LSAMP: variants seen among roughly 807,000 people sequenced by gnomAD.
LSAMP encodes the protein limbic system-associated membrane protein.
Under a neutral mutation model 38.6 loss-of-function variants are expected in LSAMP, and 7 were observed. The ratio of observed to expected loss-of-function variants is 0.18; its 90% CI spans 0.10 to 0.34. The LOEUF is 0.34. Ranked by LOEUF, LSAMP falls within the 10% of genes least tolerant of loss-of-function variation. The probability of loss-of-function intolerance (pLI) is 1.00; values close to 1 mark genes in which losing one functional copy is unlikely to be tolerated. For synonymous variants in LSAMP, 154 were observed against 166.8 expected (o/e 0.92, Z 0.59); for missense variants, 313 against 420.0 (o/e 0.75, Z 2.23).
intron 1 of LSAMP, among the ~76,000 whole-genome samples, chr3:116,436,521 G>T (rs2049350932): frequency 6.6e-6 from 1 of 152,072 alleles, no homozygotes; most frequent in African/African-American, 2.4e-5. Flanking sequence ...CCATCAAAAA[G>T]TGGGCTAAGG....
At chr3:115,913,990 T>C (rs1384539258) in intron 3 of LSAMP, among the ~76,000 whole-genome samples, 3 of 151,770 alleles carry the variant, frequency 2.0e-5, no homozygotes, top group African/African-American at 7.3e-5. Context: ...TTTAAAAAAA[T>C]AAAAAGATAA....
At chr3:116,171,773 G>A (rs1414108890) in intron 1 of LSAMP, among the ~76,000 whole-genome samples, 2 of 152,050 alleles carry the variant, frequency 1.3e-5, no homozygotes, top group South Asian at 2.1e-4. Flanking sequence ...AGAGATTGGA[G>A]TATAAGGAGC....
At chr3:116,352,219 C>T (rs1180627031) in intron 1 of LSAMP, among the ~76,000 whole-genome samples, 1 of 152,112 alleles carries the variant, frequency 6.6e-6, no homozygotes, top group African/African-American at 2.4e-5. Context: ...CCACACATCA[C>T]TCCACGAATA....
At chr3:116,189,281 G>T (rs1341857594) in intron 1 of LSAMP, among the ~76,000 whole-genome samples, 1 of 152,160 alleles carries the variant, frequency 6.6e-6, no homozygotes, top group Admixed American at 6.5e-5. Flanking sequence ...AAGTGCAATA[G>T]AAATATTTTT....
At chr3:116,316,794 AAGAG>A (rs1189362008) in intron 1 of LSAMP, among the ~76,000 whole-genome samples, 3 of 151,306 alleles carry the variant, frequency 2.0e-5, no homozygotes, top group Admixed American at 6.6e-5. Context: ...AAAAAAAAAA[AAGAG>A]AAAGAAAGAA....
intron 6 of LSAMP, among the ~76,000 whole-genome samples, chr3:115,824,822 A>C (rs994536860): frequency 1.3e-5 from 2 of 152,154 alleles, no homozygotes; most frequent in African/African-American, 4.8e-5. Flanking sequence ...GTGTTTAAAA[A>C]CATAAATTTT....
intron 1 of LSAMP, among the ~76,000 whole-genome samples, chr3:116,164,760 ATT>A (rs1553709491): frequency 4.4e-4 from 40 of 91,602 alleles, no homozygotes; most frequent in African/African-American, 9.0e-4. Context: ...ATATATATAT[ATT>A]TTTTTTTTTT....
intron 3 of LSAMP, among the ~76,000 whole-genome samples, chr3:115,911,003 GAGA>G (rs1241447894): frequency 2.6e-5 from 4 of 152,172 alleles, no homozygotes; most frequent in East Asian, 3.9e-4. Flanking sequence ...ATAAATCCTT[GAGA>G]AGATGATAGC....
At chr3:116,139,126 C>T (rs1244074821) in intron 1 of LSAMP, among the ~76,000 whole-genome samples, 1 of 151,828 alleles carries the variant, frequency 6.6e-6, no homozygotes, top group Non-Finnish European at 1.5e-5. Context: ...GGAATCTGCT[C>T]ATAATTCTGC....
chr3:116,399,468 G>C (rs1393036165), intron 1 of LSAMP, among the ~76,000 whole-genome samples: 1 of 152,142 alleles, frequency 6.6e-6, no homozygotes, highest in East Asian at 1.9e-4. Flanking sequence ...AGTGAAATTG[G>C]CAGGGACACA....
At chr3:116,081,294 T>A (rs781425215) in intron 2 of LSAMP, among the ~76,000 whole-genome samples, 18 of 151,898 alleles carry the variant, frequency 1.2e-4, no homozygotes, top group Non-Finnish European at 2.5e-4. Context: ...AAACCTCATC[T>A]CTACTAAAAA....
intron 3 of LSAMP, among the ~76,000 whole-genome samples, chr3:115,905,113 C>T (rs1017178577): frequency 2.6e-5 from 4 of 152,094 alleles, no homozygotes; most frequent in African/African-American, 7.2e-5. Context: ...CACAGCTTGT[C>T]AGTCATCATC....
chr3:116,017,452 G>A (rs542780073), intron 3 of LSAMP, among the ~76,000 whole-genome samples: 1 of 152,138 alleles, frequency 6.6e-6, no homozygotes, highest in South Asian at 2.1e-4. Flanking sequence ...AGACATTTAA[G>A]TTAATTAGAA....
chr3:116,275,783 T>C (rs1431444094), intron 1 of LSAMP, among the ~76,000 whole-genome samples: 1 of 152,084 alleles, frequency 6.6e-6, no homozygotes. Flanking sequence ...TAATTCCTAC[T>C]TCTCTTCTCC....
chr3:115,848,881 A>G (rs951093520), intron 4 of LSAMP, among the ~76,000 whole-genome samples: 2 of 152,186 alleles, frequency 1.3e-5, no homozygotes, highest in Non-Finnish European at 2.9e-5. Context: ...GGAATAGGAA[A>G]AGAGTCCAAT....
chr3:116,265,246 C>T (rs754013754), intron 1 of LSAMP, among the ~76,000 whole-genome samples: 3 of 151,966 alleles, frequency 2.0e-5, no homozygotes, highest in South Asian at 2.1e-4. Context: ...GAGAAAGGGT[C>T]ACTTAGAGAG....
intron 1 of LSAMP, among the ~76,000 whole-genome samples, chr3:116,236,718 G>A (rs1257887019): frequency 1.3e-5 from 2 of 152,044 alleles, no homozygotes; most frequent in Non-Finnish European, 1.5e-5. Context: ...TGCCTTTAGT[G>A]TTATAGTATT....
At chr3:116,217,247 C>G (rs1317807111) in intron 1 of LSAMP, among the ~76,000 whole-genome samples, 1 of 152,158 alleles carries the variant, frequency 6.6e-6, no homozygotes, top group Non-Finnish European at 1.5e-5. Flanking sequence ...GTTTTCATCA[C>G]CAAGCCTGTA....
intron 1 of LSAMP, among the ~76,000 whole-genome samples, chr3:116,405,417 T>C (rs1343821587): frequency 6.6e-6 from 1 of 152,054 alleles, no homozygotes; most frequent in Non-Finnish European, 1.5e-5. Flanking sequence ...ACAGACAGTG[T>C]GAGAAACTTC....
Sources: gnomAD v4.1 joint callset for allele counts (sites outside exome capture counted in the v4.1 genomes callset) on GRCh38, gnomAD v4.1.1 for gene constraint, MANE v1.5 for transcripts, NCBI Gene and HGNC (gene_info 2026-07-23, HGNC 2026-07-21) for gene names.